The following HDAC4 variants were observed in gnomAD, a reference collection of about 807,000 sequenced individuals.
HDAC4 encodes the protein histone deacetylase A.
Under a neutral mutation model 135.1 loss-of-function variants are expected in HDAC4, and 16 were observed. The ratio of observed to expected loss-of-function variants is 0.12; its 90% confidence interval spans 0.08 to 0.18. The LOEUF (loss-of-function observed/expected upper bound fraction) is 0.18. Among genes scored for constraint, HDAC4 ranks in the 10% least tolerant of loss-of-function variants. HDAC4 has a pLI of 1.00. For synonymous variants in HDAC4, 685 were observed against 653.4 expected (o/e 1.05, Z -0.74); for missense variants, 1,143 against 1,511.8 (o/e 0.76, Z 4.05).
chr2:239,376,665 A>G (rs1695033805), intron 1 of HDAC4, among the ~76,000 whole-genome samples: 1 of 152,202 alleles, frequency 6.6e-6, no homozygotes, highest in Non-Finnish European at 1.5e-5. Flanking sequence ...CGGGACGCCT[A>G]GTTTTTTGTT....
intron 9 of HDAC4, 49 bp from the exon 10 acceptor site, chr2:239,134,692 T>A: frequency 7.3e-7 from 1 of 1,370,354 alleles, no homozygotes; most frequent in Non-Finnish European, 1.0e-6. Flanking sequence ...CGGCCAAACA[T>A]CAGCAATATA....
intron 1 of HDAC4, among the ~76,000 whole-genome samples, chr2:239,377,189 C>T (rs991348757): frequency 6.6e-6 from 1 of 151,972 alleles, no homozygotes; most frequent in Non-Finnish European, 1.5e-5. Flanking sequence ...TGACTCTGAA[C>T]TTGAAACCAA....
At chr2:239,061,489 G>A (rs1052195625) in intron 24 of HDAC4, among the ~76,000 whole-genome samples, 21 of 151,210 alleles carry the variant, frequency 1.4e-4, no homozygotes, top group African/African-American at 5.1e-4. Context: ...ATGAGAGGGT[G>A]CACGTGTGTG....
rs1179495508 is a variant in HDAC4, at chr2:239,146,714, C to G, written c.734-2000G>C. Among the ~76,000 whole-genome samples, 1 of 151,654 alleles carries G rather than the reference C, an allele frequency of 6.6e-6. No individual in the cohort carries two copies. The highest frequency in any genetic ancestry group is 2.4e-5 in the African/African-American group (1 of 41,252). On this transcript the variant is annotated intron_variant, in intron 7 of 26. Coordinates refer to ENST00000543185, the MANE Select transcript of HDAC4 (RefSeq NM_001378414.1). This position sits in a 1 kb window ranked among gnomAD's most constrained non-coding sequence, Gnocchi z 4.5. ...CCACCCCTTCCCTCCACTCCCCTCC[C>G]CTTCCCTCCTCTCCCCTTCCACAGG...
chr2:239,206,823 A>C (rs1014469711), intron 3 of HDAC4, among the ~76,000 whole-genome samples: 2 of 152,262 alleles, frequency 1.3e-5, no homozygotes, highest in Non-Finnish European at 2.9e-5. Context: ...CATCAGGGAT[A>C]TATCAACATT....
intron 2 of HDAC4, among the ~76,000 whole-genome samples, chr2:239,335,128 T>A (rs1341178120): frequency 6.6e-6 from 1 of 151,848 alleles, no homozygotes; most frequent in Non-Finnish European, 1.5e-5. Flanking sequence ...CATTATTAGA[T>A]ACTATGGTTA....
intron 1 of HDAC4, among the ~76,000 whole-genome samples, chr2:239,363,752 C>T (rs1694000762): frequency 6.6e-6 from 1 of 152,156 alleles, no homozygotes; most frequent in Non-Finnish European, 1.5e-5. Flanking sequence ...TAAGAACACT[C>T]ATTTATCAAA....
At chr2:239,380,510 G>A (rs1695345863) in intron 1 of HDAC4, among the ~76,000 whole-genome samples, 1 of 152,126 alleles carries the variant, frequency 6.6e-6, no homozygotes, top group African/African-American at 2.4e-5. Flanking sequence ...GTAACCTTGT[G>A]TTTCAGAAGA....
Position 239,074,582 on chromosome 2 carries a change from G to T in HDAC4, c.2751-5975C>A, listed in dbSNP as rs1044096633. Among the ~76,000 whole-genome samples, 8 of 152,348 alleles carry T rather than the reference G, an allele frequency of 5.3e-5. No homozygotes were observed. The South Asian group carries it at 1.7e-3, about 32-fold the overall frequency. ...CGTGAGGCTGCGTGGGGCACAGTCGGATGCACGTGCCCACACACTCATTTT... is the reference window on the plus strand; with the variant it reads ...CGTGAGGCTGCGTGGGGCACAGTCGTATGCACGTGCCCACACACTCATTTT... On this transcript the variant is annotated intron_variant, in intron 22 of 26. Coordinates refer to ENST00000543185, the MANE Select transcript of HDAC4 (RefSeq NM_001378414.1).
intron 11 of HDAC4, among the ~76,000 whole-genome samples, chr2:239,130,451 C>T (rs375678763): frequency 2.4e-4 from 36 of 152,304 alleles, no homozygotes; most frequent in African/African-American, 7.5e-4. Flanking sequence ...AGGAAGGCTA[C>T]GTAGCCTTAA....
chr2:239,255,567 C>G (rs2049006279), intron 2 of HDAC4, among the ~76,000 whole-genome samples: 1 of 152,210 alleles, frequency 6.6e-6, no homozygotes, highest in African/African-American at 2.4e-5. Flanking sequence ...TTAAGTACAG[C>G]TGTCCCTGAA....
At position 239,331,462 on chromosome 2, in the gene HDAC4, C is replaced by A. The variant is rs1003482562; in HGVS notation, c.22+21216G>T. Among the ~76,000 whole-genome samples, 1 of 152,134 alleles carries A rather than the reference C, an allele frequency of 6.6e-6. No homozygotes were observed. The highest frequency in any genetic ancestry group is 2.4e-5 in the African/African-American group (1 of 41,418). On this transcript the variant is annotated intron_variant, in intron 2 of 26. Coordinates refer to ENST00000543185, the MANE Select transcript of HDAC4 (RefSeq NM_001378414.1). The surrounding 1 kb of genome is among the most constrained non-coding windows in gnomAD (Gnocchi z 4.5). Reference sequence around the variant, plus strand: ...TCAAGGCTGCAGATATATTTCAGTCCACTTTAAAATATGCCCAACAGTTAT... The same window carrying A: ...TCAAGGCTGCAGATATATTTCAGTCAACTTTAAAATATGCCCAACAGTTAT...
intron 2 of HDAC4, among the ~76,000 whole-genome samples, chr2:239,267,654 C>T (rs148398852): frequency 0.016 from 2,413 of 152,394 alleles, 21 homozygotes; most frequent in Non-Finnish European, 0.025. Flanking sequence ...CTGGAGGGCT[C>T]CACAGAAGAG....
At chr2:239,154,421 A>C (rs1210106014) in intron 7 of HDAC4, among the ~76,000 whole-genome samples, 2 of 152,084 alleles carry the variant, frequency 1.3e-5, no homozygotes, top group Admixed American at 6.5e-5. Flanking sequence ...AACGGAAGGC[A>C]TTTGTTTCAG....
chr2:239,160,208 T>C (rs1022774255), intron 6 of HDAC4, among the ~76,000 whole-genome samples: 3 of 152,222 alleles, frequency 2.0e-5, no homozygotes, highest in African/African-American at 7.2e-5. Context: ...AGTATTCGAT[T>C]AAACCATTAT....
chr2:239,365,827 C>T (rs1694163468), intron 1 of HDAC4, among the ~76,000 whole-genome samples: 1 of 150,082 alleles, frequency 6.7e-6, no homozygotes, highest in African/African-American at 2.5e-5. Context: ...CTGGGGGACA[C>T]ACGCAGACAC....
chr2:239,214,199 A>G (rs982850269), intron 3 of HDAC4, among the ~76,000 whole-genome samples: 5 of 152,154 alleles, frequency 3.3e-5, no homozygotes, highest in African/African-American at 1.2e-4. Flanking sequence ...CCAGGGGAGA[A>G]TCTGCTCCTG....
chr2:239,358,625 T>C (rs1416730360), intron 1 of HDAC4, among the ~76,000 whole-genome samples: 1 of 152,208 alleles, frequency 6.6e-6, no homozygotes, highest in Non-Finnish European at 1.5e-5. Context: ...CACCTCAGTA[T>C]CTCTGTATGA....
intron 2 of HDAC4, among the ~76,000 whole-genome samples, chr2:239,297,228 C>T (rs1171320145): frequency 6.6e-6 from 1 of 152,120 alleles, no homozygotes; most frequent in East Asian, 1.9e-4. Flanking sequence ...TTCCCACGAG[C>T]AGCCAGCGCT....
Sources: allele counts gnomAD v4.1 joint callset (sites outside exome capture counted in the v4.1 genomes callset), GRCh38; gene constraint gnomAD v4.1.1; non-coding constraint Gnocchi (gnomAD v3.1); transcripts MANE v1.5; gene names NCBI Gene and HGNC (gene_info 2026-07-23, HGNC 2026-07-21).